The following RACGAP1 variants were observed in gnomAD, a reference collection of about 807,000 sequenced individuals.
RACGAP1 encodes the protein rac GTPase-activating protein 1.
In RACGAP1, 30 loss-of-function variants were observed where a neutral mutation model predicts 78.1. The ratio of observed to expected loss-of-function variants is 0.38; its 90% CI spans 0.29 to 0.52. The LOEUF is 0.52. Ranked by LOEUF, RACGAP1 falls within the 20% of genes least tolerant of loss-of-function variation. The pLI, the probability that RACGAP1 is intolerant of heterozygous loss-of-function variation, is 0.82. For missense variants in RACGAP1, 587 were observed against 777.1 expected, an observed-to-expected ratio of 0.76 and a Z score of 2.91; for synonymous variants, 231 against 264.8, an observed-to-expected ratio of 0.87 and a Z score of 1.24.
In RACGAP1 at chr12:50,011,886, G is replaced by A. The variant is rs528426894; in HGVS notation, c.85+4745C>T. Among the ~76,000 whole-genome samples the A allele has an allele frequency of 2.4e-3, 362 of 150,610 alleles. 2 individuals are homozygous for A. The highest frequency in any genetic ancestry group is 8.5e-3 in the African/African-American group (349 of 40,936). On this transcript the variant is annotated intron_variant, in intron 2 of 16. Coordinates refer to ENST00000312377, the MANE Select transcript of RACGAP1 (RefSeq NM_001319999.2). ...AGAGAATGGCGTGAATCTGGGAGGC[G>A]GAGCTGGCAGTGAGCCGAGATCGTG...
Position 50,001,065 on chromosome 12 carries a change from C to G in RACGAP1, c.630+107G>C, listed in dbSNP as rs1243156626. On this transcript the variant is annotated intron_variant, in intron 7 of 16. Coordinates refer to ENST00000312377, the MANE Select transcript of RACGAP1 (RefSeq NM_001319999.2). Reference sequence around the variant, plus strand: ...CTCTGTCTCAAAAAACAAACAAAAACTTTAACTAAACATCATGTCTCTCAA... The same window carrying G: ...CTCTGTCTCAAAAAACAAACAAAAAGTTTAACTAAACATCATGTCTCTCAA... 7 of 949,992 alleles carry G rather than the reference C, an allele frequency of 7.4e-6. No individual in the cohort carries two copies. The African/African-American group carries it at 8.3e-5, about 11-fold the overall frequency. 58.8% of individuals were successfully genotyped at this position (949,992 alleles called of 1,614,324 possible).
chr12:49,999,872 CAG>C (rs1221857931), intron 7 of RACGAP1, 139 bp from the exon 8 acceptor site: 6 of 651,290 alleles, frequency 9.2e-6, no homozygotes, highest in African/African-American at 3.6e-5. Flanking sequence ...TTTTTTGAGA[CAG>C]AGTTTTTCAC....
At chr12:49,995,697 GT>G (rs1339351732) in intron 10 of RACGAP1, among the ~76,000 whole-genome samples, 7 of 151,984 alleles carry the variant, frequency 4.6e-5, no homozygotes, top group Non-Finnish European at 7.4e-5. Context: ...GTCTTGCTTT[GT>G]TGTCCAGGCT....
At chr12:50,013,903 C>T (rs534964493) in intron 2 of RACGAP1, among the ~76,000 whole-genome samples, 14 of 152,194 alleles carry the variant, frequency 9.2e-5, no homozygotes, top group African/African-American at 2.7e-4. Context: ...TTATTCCCTA[C>T]TCTAGTCCCC....
At chr12:50,027,818 T>G (rs1158936588), upstream of RACGAP1, among the ~76,000 whole-genome samples, 1 of 152,144 alleles carries the variant, frequency 6.6e-6, no homozygotes, top group Non-Finnish European at 1.5e-5. Context: ...AGGGCGTGAC[T>G]CCATCTCAAA....
chr12:50,004,956 C>T (rs553182830), intron 4 of RACGAP1, among the ~76,000 whole-genome samples: 1 of 152,324 alleles, frequency 6.6e-6, no homozygotes, highest in South Asian at 2.1e-4. Context: ...TGAACTGCCA[C>T]TTTCACCTTT....
chr12:50,017,019 T>C, intron 1 of RACGAP1: 3 of 1,111,500 alleles, frequency 2.7e-6, no homozygotes, highest in Non-Finnish European at 3.3e-6. Flanking sequence ...AGCAAGTGAC[T>C]GACCAACAAG....
At chr12:50,033,033 A>T (rs1034961635) in exon 1 of RACGAP1, 1 of 151,960 alleles carries the variant, frequency 6.6e-6, no homozygotes, top group Non-Finnish European at 1.5e-5. Flanking sequence ...CGATCCCTGG[A>T]CGCGGGCGTC....
chr12:50,010,935 C>CA (rs5798122), intron 2 of RACGAP1, among the ~76,000 whole-genome samples: 146,032 of 148,298 alleles, frequency 0.98, 71,931 homozygotes, highest in Middle Eastern at 1. Flanking sequence ...AATTCTGTCT[C>CA]AAAAAAAAAA....
chr12:50,028,755 G>C (rs773638351), upstream of RACGAP1, among the ~76,000 whole-genome samples: 12 of 151,356 alleles, frequency 7.9e-5, no homozygotes, highest in Non-Finnish European at 1.6e-4. Flanking sequence ...CTGGGTGACA[G>C]AGAAAGACTC....
chr12:50,005,097 T>C (rs1304629115), intron 4 of RACGAP1, among the ~76,000 whole-genome samples, 159 bp downstream of exon 4: 1 of 152,228 alleles, frequency 6.6e-6, no homozygotes, highest in Non-Finnish European at 1.5e-5. Context: ...TACAGGGACA[T>C]CCCTGTGCCT....
chr12:49,991,136 G>C (rs1025554765), intron 15 of RACGAP1, among the ~76,000 whole-genome samples: 4 of 152,102 alleles, frequency 2.6e-5, no homozygotes, highest in Non-Finnish European at 2.9e-5. Context: ...TGAGACTGGA[G>C]TGAAACCAGC....
At chr12:49,996,995 C>A in intron 10 of RACGAP1, 45 bp downstream of exon 10, 3 of 1,427,408 alleles carry the variant, frequency 2.1e-6, no homozygotes, top group Non-Finnish European at 2.8e-6. Flanking sequence ...CTTTGAAAGG[C>A]GAATAAAGAG....
upstream of RACGAP1, among the ~76,000 whole-genome samples, chr12:50,025,843 G>GAGTTAGAACAGC (rs1211551298): frequency 1.3e-5 from 2 of 152,132 alleles, no homozygotes; most frequent in Non-Finnish European, 2.9e-5. Context: ...AGAATACCAG[G>GAGTTAGAACAGC]AGTTAGAACA....
At chr12:50,001,309 G>A in intron 6 of RACGAP1, 57 bp from the exon 7 acceptor site, 2 of 1,414,428 alleles carry the variant, frequency 1.4e-6, no homozygotes, top group Non-Finnish European at 2.0e-6. Context: ...AAGCACAGAA[G>A]ATAAAATTAT....
At chr12:50,012,260 C>G (rs1415864518) in intron 2 of RACGAP1, among the ~76,000 whole-genome samples, 2 of 151,992 alleles carry the variant, frequency 1.3e-5, no homozygotes, top group East Asian at 1.9e-4. Flanking sequence ...AACCCTGTCT[C>G]TACTAAAAAT....
At chr12:50,021,122 A>G (rs1949982750) in intron 1 of RACGAP1, 1 of 983,336 alleles carries the variant, frequency 1.0e-6, no homozygotes, top group African/African-American at 1.8e-5. Context: ...TTTCACCCTC[A>G]TGAATACTTG....
At chr12:50,023,120 G>T (rs143241036) in intron 1 of RACGAP1, among the ~76,000 whole-genome samples, 1 of 152,274 alleles carries the variant, frequency 6.6e-6, no homozygotes, top group African/African-American at 2.4e-5. Flanking sequence ...TTTGGTAAAT[G>T]ACTAATAAAT....
chr12:49,992,767 A>C (rs546477714), intron 12 of RACGAP1, 112 bp from the exon 13 acceptor site: 2 of 709,780 alleles, frequency 2.8e-6, no homozygotes, highest in African/African-American at 3.6e-5. Context: ...GAAACTCCTG[A>C]TTAGTTCATG....
Sources: gnomAD v4.1 joint callset for allele counts (sites outside exome capture counted in the v4.1 genomes callset) on GRCh38, gnomAD v4.1.1 for gene constraint, MANE v1.5 for transcripts, NCBI Gene and HGNC (gene_info 2026-07-23, HGNC 2026-07-21) for gene names.